Variants in GALNT17 observed in about 807,000 individuals in gnomAD.
GALNT17 encodes the protein polypeptide N-acetylgalactosaminyltransferase 17, also known as UDP-GalNAc:polypeptide N-acetylgalactosaminyltransferase-like 3.
A neutral mutation model predicts 63.7 loss-of-function variants in GALNT17; 29 were observed. The observed-to-expected ratio is 0.46, with a 90% CI of 0.34 to 0.62. The LOEUF is 0.62. GALNT17 is among the 20% of genes least tolerant of loss of function. The probability of loss-of-function intolerance (pLI) is 0.01; values close to 1 mark genes in which losing one functional copy is unlikely to be tolerated. For synonymous variants in GALNT17, 305 were observed against 318.3 expected (o/e 0.96, Z 0.45); for missense variants, 603 against 799.6 (o/e 0.75, Z 2.97).
chr7:71,259,223 A>G (rs1790338988), intron 1 of GALNT17, among the ~76,000 whole-genome samples: 1 of 152,182 alleles, frequency 6.6e-6, no homozygotes, highest in South Asian at 2.1e-4. Flanking sequence ...GCTTGGATCA[A>G]AGCTGCAGAT....
intron 2 of GALNT17, among the ~76,000 whole-genome samples, chr7:71,381,928 G>C (rs951892798): frequency 1.3e-5 from 2 of 152,194 alleles, no homozygotes; most frequent in African/African-American, 2.4e-5. Flanking sequence ...GGGTGGTTCT[G>C]TCTAGAGCTG....
At chr7:71,287,121 A>T (rs1790889209) in intron 1 of GALNT17, among the ~76,000 whole-genome samples, 1 of 151,580 alleles carries the variant, frequency 6.6e-6, no homozygotes, top group Non-Finnish European at 1.5e-5. Context: ...ACAAGGTCTC[A>T]CTCTGTTGCT....
intron 5 of GALNT17, among the ~76,000 whole-genome samples, chr7:71,492,208 G>T (rs1310682423): frequency 6.6e-6 from 1 of 152,202 alleles, no homozygotes; most frequent in Non-Finnish European, 1.5e-5. Flanking sequence ...GAACCAGGGA[G>T]TCGGAGGTTG....
chr7:71,419,742 G>A (rs1212063675), intron 4 of GALNT17, among the ~76,000 whole-genome samples: 1 of 152,200 alleles, frequency 6.6e-6, no homozygotes, highest in East Asian at 1.9e-4. Context: ...AGTAGCAAAG[G>A]GCATCCCCAG....
At chr7:71,463,024 T>G (rs1371564764) in intron 5 of GALNT17, among the ~76,000 whole-genome samples, 1 of 152,164 alleles carries the variant, frequency 6.6e-6, no homozygotes, top group Non-Finnish European at 1.5e-5. Context: ...GGAGGAAACC[T>G]CAAATCCATC....
At chr7:71,254,600 T>C in intron 1 of GALNT17, among the ~76,000 whole-genome samples, 1 of 152,026 alleles carries the variant, frequency 6.6e-6, no homozygotes, top group East Asian at 1.9e-4. Flanking sequence ...AGGAGGAGAG[T>C]GTAAGAAGGC....
intron 1 of GALNT17, among the ~76,000 whole-genome samples, chr7:71,198,135 T>C (rs1227012693): frequency 6.7e-6 from 1 of 149,908 alleles, no homozygotes; most frequent in Non-Finnish European, 1.5e-5. Flanking sequence ...GAGGCGGAGG[T>C]TGCAGTGAGT....
intron 1 of GALNT17, among the ~76,000 whole-genome samples, chr7:71,199,889 G>A (rs1471649862): frequency 2.6e-5 from 4 of 152,158 alleles, no homozygotes; most frequent in African/African-American, 7.2e-5. Context: ...TCCTCAAGGG[G>A]TTTATGGTAC....
At chr7:71,498,319 A>G (rs371608407) in intron 5 of GALNT17, among the ~76,000 whole-genome samples, 3 of 152,154 alleles carry the variant, frequency 2.0e-5, no homozygotes, top group African/African-American at 4.8e-5. Context: ...TCTACTAAAA[A>G]TACAAAAATT....
At chr7:71,243,556 C>CTCTTT (rs1329045372) in intron 1 of GALNT17, among the ~76,000 whole-genome samples, 2 of 152,172 alleles carry the variant, frequency 1.3e-5, no homozygotes, top group African/African-American at 4.8e-5. Flanking sequence ...GCTATTGTTT[C>CTCTTT]TCTTTTCTTT....
At chr7:71,156,778 G>C (rs2116235241) in intron 1 of GALNT17, among the ~76,000 whole-genome samples, 1 of 150,374 alleles carries the variant, frequency 6.7e-6, no homozygotes, top group African/African-American at 2.5e-5. Context: ...GGAGTGCAGT[G>C]GTGCAATCAT....
At chr7:71,226,909 C>T (rs557999419) in intron 1 of GALNT17, among the ~76,000 whole-genome samples, 1 of 152,212 alleles carries the variant, frequency 6.6e-6, no homozygotes, top group African/African-American at 2.4e-5. Flanking sequence ...TGCCCTGCCC[C>T]CTTCCTATGA....
intron 2 of GALNT17, among the ~76,000 whole-genome samples, chr7:71,353,566 C>A (rs987546051): frequency 1.3e-5 from 2 of 152,078 alleles, no homozygotes; most frequent in African/African-American, 4.8e-5. Context: ...TTTTAAAATG[C>A]CTCTTAATTC....
intron 1 of GALNT17, among the ~76,000 whole-genome samples, chr7:71,292,991 C>T (rs1408641054): frequency 6.6e-6 from 1 of 152,012 alleles, no homozygotes; most frequent in African/African-American, 2.4e-5. Flanking sequence ...TGATGTTCTC[C>T]ACCTCCATCC....
chr7:71,695,680 C>T (rs1481464013), intron 9 of GALNT17, among the ~76,000 whole-genome samples: 2 of 152,162 alleles, frequency 1.3e-5, no homozygotes, highest in African/African-American at 4.8e-5. Flanking sequence ...TTTCTAACCC[C>T]AGCTCTCAGG....
In GALNT17 at chr7:71,420,614, G is replaced by A. The variant is rs573648187; in HGVS notation, c.765-294G>A. 7.9e-4 allele frequency among the ~76,000 whole-genome samples: 121 copies of A among 152,290 alleles called. 2 individuals carry two copies. Among genetic ancestry groups the A allele is most frequent in the Admixed American group, 7.8e-3 (120 of 15,292 alleles). ...TGAGACTTGGCACTTTCTTGGGAAG[G>A]AGACCCCATGTTCTGAACTCCTCTT... On this transcript the variant is annotated intron_variant, in intron 4 of 10. Coordinates refer to ENST00000333538, the MANE Select transcript of GALNT17 (RefSeq NM_022479.3).
chr7:71,314,653 T>C (rs1791470541), intron 1 of GALNT17, among the ~76,000 whole-genome samples: 1 of 152,196 alleles, frequency 6.6e-6, no homozygotes, highest in African/African-American at 2.4e-5. Flanking sequence ...AAATTCACTC[T>C]ACTTTGGGAG....
chr7:71,623,834 G>A (rs1790332742), intron 6 of GALNT17, among the ~76,000 whole-genome samples: 2 of 152,122 alleles, frequency 1.3e-5, no homozygotes, highest in Admixed American at 1.3e-4. Flanking sequence ...GTCTTCCCCC[G>A]TCCTGTCATC....
At chr7:71,204,112 CT>C (rs1789224494) in intron 1 of GALNT17, among the ~76,000 whole-genome samples, 1 of 151,978 alleles carries the variant, frequency 6.6e-6, no homozygotes, top group African/African-American at 2.4e-5. Flanking sequence ...CGACTTCATT[CT>C]GCTTGTGGAT....
Sources: allele counts gnomAD v4.1 joint callset (sites outside exome capture counted in the v4.1 genomes callset), GRCh38; gene constraint gnomAD v4.1.1; transcripts MANE v1.5; gene names NCBI Gene and HGNC (gene_info 2026-07-23, HGNC 2026-07-21).